The following GAD1 variants were observed in gnomAD, a reference collection of about 807,000 sequenced individuals.
GAD1 encodes the protein 67 kDa glutamic acid decarboxylase.
Under a neutral mutation model 75.2 loss-of-function variants are expected in GAD1, and 35 were observed. That is an observed-to-expected ratio of 0.47 (90% CI 0.36 to 0.62). GAD1 has a LOEUF of 0.62. GAD1 is among the 20% of genes least tolerant of loss of function. The pLI, the probability that GAD1 is intolerant of heterozygous loss-of-function variation, is 0.00. For missense variants in GAD1, 490 were observed against 758.5 expected, an observed-to-expected ratio of 0.65 and a Z score of 4.16; for synonymous variants, 257 against 271.9, an observed-to-expected ratio of 0.95 and a Z score of 0.54.
At chr2:170,832,356 GC>G (rs901362983) in intron 5 of GAD1, among the ~76,000 whole-genome samples, 6 of 152,010 alleles carry the variant, frequency 3.9e-5, no homozygotes, top group African/African-American at 1.4e-4. Flanking sequence ...TAGATGCATC[GC>G]TCCAACCTCT....
chr2:170,860,542 A>C lies in GAD1; in HGVS notation c.*660A>C, dbSNP rs1477728023. 2.0e-5 allele frequency: 3 copies of C among 152,922 alleles called. No individual in the cohort carries two copies. Among genetic ancestry groups the C allele is most frequent in the Non-Finnish European group, 2.9e-5 (2 of 68,282 alleles). 9.5% of individuals were successfully genotyped at this position (152,922 alleles called of 1,614,324 possible). On this transcript the variant is annotated 3_prime_UTR_variant, in exon 17 of 17. Transcript: ENST00000358196. ...TGGGAGGGGGAGACTATGTGTCATG[A>C]TTTCAATGATTGTTTAATTGTAGGT...
At chr2:170,817,536 C>T (rs990272949) in intron 1 of GAD1, 1 of 151,776 alleles carries the variant, frequency 6.6e-6, no homozygotes, top group African/African-American at 2.4e-5. Context: ...CCGGTGGGCC[C>T]TTCTCTGTGG....
chr2:170,829,188 A>G (rs144784812), intron 3 of GAD1: 1 of 462,230 alleles, frequency 2.2e-6, no homozygotes, highest in African/African-American at 2.0e-5. Context: ...AAGCTGTCCA[A>G]CTTACTTAAT....
At chr2:170,847,524 C>T in intron 10 of GAD1, 152 bp from the exon 11 acceptor site, 1 of 722,126 alleles carries the variant, frequency 1.4e-6, no homozygotes, top group Non-Finnish European at 2.5e-6. Flanking sequence ...GTGAATGAGC[C>T]AACAAAACAC....
upstream of GAD1, chr2:170,816,587 CCCT>C (rs1271037984): frequency 6.6e-6 from 1 of 152,056 alleles, no homozygotes; most frequent in Non-Finnish European, 1.5e-5. Flanking sequence ...ATTATCTTTT[CCCT>C]CCTCTCACCC....
At chr2:170,856,705 C>T (rs964323519) in intron 14 of GAD1, among the ~76,000 whole-genome samples, 1 of 152,174 alleles carries the variant, frequency 6.6e-6, no homozygotes, top group South Asian at 2.1e-4. Flanking sequence ...AGACCAGTTA[C>T]AGTTGTGGAG....
At chr2:170,851,348 A>G (rs1331695484) in intron 12 of GAD1, among the ~76,000 whole-genome samples, 6 of 152,214 alleles carry the variant, frequency 3.9e-5, no homozygotes, top group Non-Finnish European at 7.3e-5. Flanking sequence ...TAAATTCACT[A>G]CCATTTAAAT....
At chr2:170,855,996 A>G (rs1474782147) in intron 14 of GAD1, among the ~76,000 whole-genome samples, 1 of 152,174 alleles carries the variant, frequency 6.6e-6, no homozygotes, top group African/African-American at 2.4e-5. Flanking sequence ...GTTTCTAACA[A>G]TAACCTCTTG....
intron 3 of GAD1, among the ~76,000 whole-genome samples, chr2:170,824,088 G>A (rs1274150123): frequency 6.6e-6 from 1 of 152,174 alleles, no homozygotes; most frequent in Non-Finnish European, 1.5e-5. Context: ...ACTGTCAGCC[G>A]AAGCTAGGAG....
chr2:170,830,510 G>T (rs1295052985), intron 4 of GAD1, among the ~76,000 whole-genome samples: 2 of 152,206 alleles, frequency 1.3e-5, no homozygotes, highest in African/African-American at 4.8e-5. Context: ...CTCCTCAGGG[G>T]GAACCCCAGC....
chr2:170,815,624 C>G (rs1701681036), upstream of GAD1, among the ~76,000 whole-genome samples: 1 of 152,168 alleles, frequency 6.6e-6, no homozygotes, highest in Admixed American at 6.5e-5. Context: ...TGCTGCACCA[C>G]CTGGGGAGAG....
intron 10 of GAD1, 130 bp from the exon 11 acceptor site, chr2:170,847,546 G>T: frequency 1.3e-6 from 1 of 766,644 alleles, no homozygotes; most frequent in South Asian, 1.4e-5. Context: ...ACTAGACATA[G>T]TATCTGGTAA....
chr2:170,826,865 G>C (rs1292843654), intron 3 of GAD1, among the ~76,000 whole-genome samples: 1 of 152,214 alleles, frequency 6.6e-6, no homozygotes, highest in Non-Finnish European at 1.5e-5. Context: ...AGCAGTCTCA[G>C]AGTTCAGGTG....
chr2:170,852,916 GACT>G (rs2105808241), intron 13 of GAD1, 124 bp downstream of exon 13: 4 of 808,750 alleles, frequency 4.9e-6, no homozygotes, highest in South Asian at 1.4e-5. Context: ...CCCACTGAGA[GACT>G]ACTGCTGCTG....
chr2:170,843,784 T>A (rs1193508060), intron 6 of GAD1: 3 of 476,284 alleles, frequency 6.3e-6, no homozygotes, highest in Non-Finnish European at 1.1e-5. Context: ...GCCTAAGACA[T>A]TCCATTCAGA....
chr2:170,860,100 G>A lies in GAD1; in HGVS notation c.*218G>A, dbSNP rs1256211763. 2 of 563,834 alleles carry A rather than the reference G, an allele frequency of 3.5e-6. No homozygotes were observed. Among genetic ancestry groups the A allele is most frequent in the South Asian group, 2.0e-5 (1 of 50,602 alleles). The allele number at this position is 563,834 out of a possible 1,614,324, so 34.9% of individuals were successfully genotyped here. A position where few individuals can be genotyped will look rare whatever the true frequency, so the allele number is the denominator to read the frequency against. The stretch of plus-strand genomic sequence containing the variant: ...TGCACATTAGGAACAGAGTATATAT[G>A]TACAGTTATACATACCTCTCTCTAT... On this transcript the variant is annotated 3_prime_UTR_variant, in exon 17 of 17. Transcript: ENST00000358196.
intron 12 of GAD1, among the ~76,000 whole-genome samples, chr2:170,850,057 C>A (rs1305451556): frequency 2.6e-5 from 4 of 152,240 alleles, no homozygotes; most frequent in Non-Finnish European, 5.9e-5. Context: ...ATTTACTGAG[C>A]ACCTATCATG....
Position 170,818,280 on chromosome 2 carries a change from A to G in GAD1, c.-63-249A>G. 3.7e-6 allele frequency: 1 copy of G among 268,776 alleles called. No individual in the cohort carries two copies. Among genetic ancestry groups the G allele is most frequent in the Non-Finnish European group, 7.3e-6 (1 of 137,434 alleles). 16.6% of individuals were successfully genotyped at this position (268,776 alleles called of 1,614,324 possible). A position where few individuals can be genotyped will look rare whatever the true frequency, so the allele number is the denominator to read the frequency against. Reference sequence around the variant, plus strand: ...CGGCGCTTCACTCCAGGTCGCGCCGATGCACCGCCAGACTCGAGAGCGGCC... The same window carrying G: ...CGGCGCTTCACTCCAGGTCGCGCCGGTGCACCGCCAGACTCGAGAGCGGCC... On this transcript the variant is annotated intron_variant, in intron 1 of 16. Coordinates refer to ENST00000358196, the MANE Select transcript of GAD1 (RefSeq NM_000817.3). This position sits in a 1 kb window ranked among gnomAD's most constrained non-coding sequence, Gnocchi z 5.9.
At chr2:170,858,209 TA>T in intron 15 of GAD1, among the ~76,000 whole-genome samples, 1 of 152,222 alleles carries the variant, frequency 6.6e-6, no homozygotes, top group Non-Finnish European at 1.5e-5. Context: ...GAGAAAACTT[TA>T]TAGCAAGAAT....
Sources: gnomAD v4.1 joint callset for allele counts (sites outside exome capture counted in the v4.1 genomes callset) on GRCh38, gnomAD v4.1.1 for gene constraint, Gnocchi (gnomAD v3.1) non-coding constraint, MANE v1.5 for transcripts, NCBI Gene and HGNC (gene_info 2026-07-23, HGNC 2026-07-21) for gene names.